The following RAB31 variants were observed in gnomAD, a reference collection of about 807,000 sequenced individuals.
The protein encoded by RAB31 is RAB31, member RAS oncogene family.
RAB31 carries 21 observed loss-of-function variants against 25.6 expected under a neutral mutation model. That is an observed-to-expected ratio of 0.82 (90% confidence interval 0.58 to 1.18). The LOEUF is 1.18. Among genes scored for constraint, RAB31 ranks in the 50% most tolerant of loss-of-function variants. The probability of loss-of-function intolerance (pLI) is 0.00; values close to 1 mark genes in which losing one functional copy is unlikely to be tolerated. For synonymous variants in RAB31, 87 were observed against 84.0 expected, an observed-to-expected ratio of 1.04 and a Z score of -0.20; for missense variants, 196 against 250.1, an observed-to-expected ratio of 0.78 and a Z score of 1.46.
chr18:9,813,754 A>C (rs553128993), intron 3 of RAB31, among the ~76,000 whole-genome samples: 6 of 152,314 alleles, frequency 3.9e-5, no homozygotes, highest in East Asian at 3.9e-4. Context: ...CAGGAAGCCA[A>C]GGCATGAGAA....
At chr18:9,807,660 C>A (rs2068548827) in intron 3 of RAB31, among the ~76,000 whole-genome samples, 2 of 152,040 alleles carry the variant, frequency 1.3e-5, no homozygotes, top group South Asian at 2.1e-4. Context: ...TATTCCAGTT[C>A]ATTACATTGT....
chr18:9,791,050 C>T (rs550691081), intron 2 of RAB31, among the ~76,000 whole-genome samples: 1 of 152,132 alleles, frequency 6.6e-6, no homozygotes, highest in South Asian at 2.1e-4. Context: ...TCTTTTTGGA[C>T]TTAGAAGGGA....
intron 6 of RAB31, among the ~76,000 whole-genome samples, chr18:9,852,440 A>T (rs2068793765): frequency 6.6e-6 from 1 of 152,230 alleles, no homozygotes; most frequent in Non-Finnish European, 1.5e-5. Context: ...TAATCTCCAC[A>T]TGCTGGGATT....
At chr18:9,836,886 G>T (rs576169012) in intron 5 of RAB31, among the ~76,000 whole-genome samples, 2 of 151,604 alleles carry the variant, frequency 1.3e-5, no homozygotes, top group South Asian at 4.2e-4. Flanking sequence ...TGAAACACAG[G>T]GAGAGAGTCA....
chr18:9,839,235 A>T (rs968575771), intron 5 of RAB31, among the ~76,000 whole-genome samples: 2 of 152,146 alleles, frequency 1.3e-5, no homozygotes, highest in African/African-American at 4.8e-5. Context: ...TTGCCACCTG[A>T]ACAGGGAGAA....
chr18:9,714,197 C>A lies in RAB31; in HGVS notation c.39+5753C>A, dbSNP rs1446467685. Among the ~76,000 whole-genome samples the A allele has an allele frequency of 6.6e-5, 10 of 152,170 alleles. No homozygotes were observed. In the East Asian group the frequency reaches 1.9e-3, roughly 29 times the overall value. On this transcript the variant is annotated intron_variant, in intron 1 of 6. Coordinates refer to ENST00000578921, the MANE Select transcript of RAB31 (RefSeq NM_006868.4). The stretch of plus-strand genomic sequence containing the variant: ...CATTTTAAGATGCTAGGACAGTGGT[C>A]CCCAACCTTTTTGGCACTAGGGATC...
At chr18:9,833,727 A>G (rs78932377) in intron 5 of RAB31, among the ~76,000 whole-genome samples, 1 of 152,342 alleles carries the variant, frequency 6.6e-6, no homozygotes, top group East Asian at 1.9e-4. Flanking sequence ...TCTTACCTCA[A>G]CATCATTGTG....
intron 1 of RAB31, among the ~76,000 whole-genome samples, chr18:9,727,535 C>T (rs1196392078): frequency 6.6e-6 from 1 of 152,158 alleles, no homozygotes; most frequent in Admixed American, 6.5e-5. Flanking sequence ...AGGCTGGTCT[C>T]GAACTCCTGG....
In RAB31 at chr18:9,794,546, G is replaced by A. The variant is rs1478683460; in HGVS notation, c.201+2311G>A. 3.9e-5 allele frequency among the ~76,000 whole-genome samples: 6 copies of A among 152,162 alleles called. No homozygotes were observed. The South Asian group carries it at 6.2e-4, about 16-fold the overall frequency. On this transcript the variant is annotated intron_variant, in intron 3 of 6. Coordinates refer to ENST00000578921, the MANE Select transcript of RAB31 (RefSeq NM_006868.4). ...CATCATTTCATTCAGGCTGGGCACC[G>A]TGGCTCATGCCTGCAATCCCAGCAC...
intron 4 of RAB31, 116 bp from the exon 5 acceptor site, chr18:9,815,000 C>G (rs1294294615): frequency 4.3e-6 from 3 of 702,246 alleles, no homozygotes; most frequent in Non-Finnish European, 7.1e-6. Flanking sequence ...TGTTAATCTG[C>G]ATGAGTCTCC....
At chr18:9,737,331 CCA>C (rs1187539078) in intron 1 of RAB31, among the ~76,000 whole-genome samples, 1 of 152,068 alleles carries the variant, frequency 6.6e-6, no homozygotes, top group East Asian at 1.9e-4. Flanking sequence ...ACCCCCACAC[CCA>C]CACACTGTTT....
intron 2 of RAB31, among the ~76,000 whole-genome samples, chr18:9,785,669 T>G (rs918764308): frequency 2.6e-5 from 4 of 152,182 alleles, no homozygotes; most frequent in African/African-American, 9.7e-5. Context: ...AGAGGAAGGA[T>G]GCTACTCAGA....
Position 9,792,252 on chromosome 18 carries a change from T to A in RAB31, c.201+17T>A. 6.2e-7 allele frequency: 1 copy of A among 1,604,016 alleles called. No homozygotes were observed. The highest frequency in any genetic ancestry group is 8.5e-7 in the Non-Finnish European group (1 of 1,174,548). The stretch of plus-strand genomic sequence containing the variant: ...CAGGAACGGGTGAGTATATGCTGTT[T>A]TTTGGTGAAAACAAGATCCAGTGAA... On this transcript the variant is annotated intron_variant, in intron 3 of 6. Transcript: ENST00000578921.
rs2068000840 is a variant in RAB31 at position 9,708,875 on chromosome 18, C to G, written c.39+431C>G. Among the ~76,000 whole-genome samples, 1 of 152,244 alleles carries G rather than the reference C, an allele frequency of 6.6e-6. No individual in the cohort carries two copies. The highest frequency in any genetic ancestry group is 2.4e-5 in the African/African-American group (1 of 41,476). On this transcript the variant is annotated intron_variant, in intron 1 of 6. Coordinates refer to ENST00000578921, the MANE Select transcript of RAB31 (RefSeq NM_006868.4). The surrounding 1 kb of genome is among the most constrained non-coding windows in gnomAD (Gnocchi z 6.4). ...GGGGCCCCGAGGGCTTTCTCCTCCGCTTTTGATAGTTTCCTTCCGGCAGAA... is the reference window on the plus strand; with the variant it reads ...GGGGCCCCGAGGGCTTTCTCCTCCGGTTTTGATAGTTTCCTTCCGGCAGAA...
At chr18:9,834,699 C>G (rs564247725) in intron 5 of RAB31, among the ~76,000 whole-genome samples, 10 of 152,158 alleles carry the variant, frequency 6.6e-5, no homozygotes, top group African/African-American at 2.4e-4. Context: ...ACCACAAGCC[C>G]TATTCTAACC....
intron 1 of RAB31, among the ~76,000 whole-genome samples, chr18:9,744,919 A>G (rs1174845770): frequency 6.6e-6 from 1 of 152,218 alleles, no homozygotes; most frequent in Non-Finnish European, 1.5e-5. Context: ...TAGAAGAAGA[A>G]GAGCAAAATA....
intron 2 of RAB31, among the ~76,000 whole-genome samples, chr18:9,779,650 A>ATTTTTTTATCT (rs1437622479): frequency 6.6e-6 from 1 of 152,192 alleles, no homozygotes; most frequent in Non-Finnish European, 1.5e-5. Flanking sequence ...AAAATTTATT[A>ATTTTTTTATCT]GTTCTTTATC....
At chr18:9,754,982 G>A (rs2068253777) in intron 1 of RAB31, among the ~76,000 whole-genome samples, 1 of 152,174 alleles carries the variant, frequency 6.6e-6, no homozygotes, top group Non-Finnish European at 1.5e-5. Context: ...GCAGGAGTAG[G>A]TACAGTATGG....
At chr18:9,720,670 T>TTC in intron 1 of RAB31, among the ~76,000 whole-genome samples, 1 of 146,964 alleles carries the variant, frequency 6.8e-6, no homozygotes, top group East Asian at 1.9e-4. Flanking sequence ...ATAAGTAATT[T>TTC]TCTCTTTTTT....
Sources: allele counts gnomAD v4.1 joint callset (sites outside exome capture counted in the v4.1 genomes callset), GRCh38; gene constraint gnomAD v4.1.1; non-coding constraint Gnocchi (gnomAD v3.1); transcripts MANE v1.5; gene names NCBI Gene and HGNC (gene_info 2026-07-23, HGNC 2026-07-21).